Variants in SNTG1 observed in about 807,000 individuals in gnomAD.
SNTG1 encodes the protein syntrophin gamma 1, also known as gamma-1-syntrophin.
A neutral mutation model predicts 74.7 loss-of-function variants in SNTG1; 39 were observed. The observed-to-expected ratio is 0.52, with a 90% CI of 0.40 to 0.68. SNTG1 has a LOEUF of 0.68. Ranked by LOEUF, SNTG1 falls within the 30% of genes least tolerant of loss-of-function variation. The pLI is 0.00. For missense variants in SNTG1, 685 were observed against 609.5 expected, an observed-to-expected ratio of 1.12 and a Z score of -1.30; for synonymous variants, 254 against 217.1, an observed-to-expected ratio of 1.17 and a Z score of -1.49.
intron 2 of SNTG1, among the ~76,000 whole-genome samples, chr8:50,300,887 C>T (rs746323656): frequency 1.3e-5 from 2 of 152,038 alleles, no homozygotes; most frequent in Non-Finnish European, 2.9e-5. Context: ...ACTTTAAAAA[C>T]ATCCTTCTGC....
chr8:49,978,911 G>T (rs966715183), intron 1 of SNTG1, among the ~76,000 whole-genome samples: 1 of 152,176 alleles, frequency 6.6e-6, no homozygotes, highest in Non-Finnish European at 1.5e-5. Context: ...GACCCTAGAC[G>T]TCAGTGTCAC....
In SNTG1 at chr8:50,494,513, A is replaced by T. The variant is rs372419019; in HGVS notation, c.364-8265A>T. Among the ~76,000 whole-genome samples, 3 of 151,966 alleles carry T rather than the reference A, an allele frequency of 2.0e-5. No individual in the cohort carries two copies. The South Asian group carries it at 6.2e-4, about 31-fold the overall frequency. Reference sequence around the variant, plus strand: ...ACTCAGTTTTATCACTCTGTTCCTGATGCTTTTTCAAAGTAGAACTTTTAT... The same window carrying T: ...ACTCAGTTTTATCACTCTGTTCCTGTTGCTTTTTCAAAGTAGAACTTTTAT... On this transcript the variant is annotated intron_variant, in intron 8 of 18. Transcript: ENST00000642720.
chr8:50,501,613 T>TA (rs1336766228), intron 8 of SNTG1, among the ~76,000 whole-genome samples: 2 of 98,612 alleles, frequency 2.0e-5, no homozygotes, highest in Non-Finnish European at 3.5e-5. Context: ...TTTTTTTTAT[T>TA]TTTTTTTTTT....
chr8:50,399,432 G>T (rs543740904), intron 3 of SNTG1, among the ~76,000 whole-genome samples: 5 of 152,204 alleles, frequency 3.3e-5, no homozygotes, highest in Admixed American at 3.3e-4. Context: ...TGATAGCTTT[G>T]TTTTAGCTCC....
chr8:50,478,120 C>A (rs2093711226), intron 8 of SNTG1, among the ~76,000 whole-genome samples: 1 of 152,130 alleles, frequency 6.6e-6, no homozygotes, highest in Non-Finnish European at 1.5e-5. Flanking sequence ...TCTCTACTTT[C>A]ATATTCATCT....
intron 2 of SNTG1, among the ~76,000 whole-genome samples, chr8:50,325,448 T>G (rs1490429880): frequency 6.6e-6 from 1 of 152,098 alleles, no homozygotes; most frequent in Non-Finnish European, 1.5e-5. Flanking sequence ...AAAAGATTTA[T>G]GCTGAAATAT....
intron 12 of SNTG1, among the ~76,000 whole-genome samples, chr8:50,564,622 G>A (rs1156875716): frequency 6.6e-6 from 1 of 152,070 alleles, no homozygotes; most frequent in Non-Finnish European, 1.5e-5. Flanking sequence ...ACTTTTCAAA[G>A]ACTGAGATTT....
intron 12 of SNTG1, among the ~76,000 whole-genome samples, chr8:50,575,882 C>A (rs781607088): frequency 1.1e-4 from 16 of 152,152 alleles, no homozygotes; most frequent in Admixed American, 6.5e-5. Flanking sequence ...TTCTTTCAGC[C>A]TCATTTTGTT....
intron 17 of SNTG1, among the ~76,000 whole-genome samples, chr8:50,750,153 C>A (rs949255622): frequency 6.6e-6 from 1 of 151,882 alleles, no homozygotes; most frequent in African/African-American, 2.4e-5. Context: ...AAACCCTCTT[C>A]GGAGACTTGG....
At chr8:50,107,497 G>C (rs1191269158) in intron 1 of SNTG1, among the ~76,000 whole-genome samples, 1 of 151,928 alleles carries the variant, frequency 6.6e-6, no homozygotes, top group Non-Finnish European at 1.5e-5. Context: ...AAGTTTAGGA[G>C]TAACTTATCT....
At chr8:50,251,435 G>T (rs1242694789) in intron 2 of SNTG1, among the ~76,000 whole-genome samples, 2 of 151,828 alleles carry the variant, frequency 1.3e-5, no homozygotes, top group Non-Finnish European at 2.9e-5. Context: ...GTTTAGAGTA[G>T]TTAAAAGGAT....
chr8:50,007,568 G>A (rs978807878), intron 1 of SNTG1, among the ~76,000 whole-genome samples: 1 of 152,146 alleles, frequency 6.6e-6, no homozygotes, highest in Non-Finnish European at 1.5e-5. Flanking sequence ...TTAAAGGTCA[G>A]AAAGGTAAAA....
At chr8:50,524,714 A>G (rs1053955108) in intron 9 of SNTG1, among the ~76,000 whole-genome samples, 2 of 152,254 alleles carry the variant, frequency 1.3e-5, no homozygotes, top group Admixed American at 6.5e-5. Flanking sequence ...TTGGTATTAT[A>G]TGCAATCTGG....
intron 2 of SNTG1, among the ~76,000 whole-genome samples, chr8:50,208,357 G>C (rs2084345089): frequency 6.6e-6 from 1 of 152,092 alleles, no homozygotes; most frequent in Admixed American, 6.5e-5. Flanking sequence ...TTTAAAGTCT[G>C]TTTTATCAGA....
chr8:49,920,878 G>C (rs552969637), intron 1 of SNTG1, among the ~76,000 whole-genome samples: 1 of 152,036 alleles, frequency 6.6e-6, no homozygotes, highest in African/African-American at 2.4e-5. Context: ...TAGTGATGCC[G>C]CTATCAAATA....
At chr8:50,376,983 G>A (rs1342593205) in intron 2 of SNTG1, among the ~76,000 whole-genome samples, 1 of 151,972 alleles carries the variant, frequency 6.6e-6, no homozygotes, top group Non-Finnish European at 1.5e-5. Context: ...GATTCAACCT[G>A]GCCTGAGTGT....
At chr8:50,528,525 T>A in intron 9 of SNTG1, among the ~76,000 whole-genome samples, 1 of 152,008 alleles carries the variant, frequency 6.6e-6, no homozygotes, top group East Asian at 1.9e-4. Context: ...CATGATGTGA[T>A]ATATTTTTCA....
chr8:50,490,239 G>C (rs976628003), intron 8 of SNTG1, among the ~76,000 whole-genome samples: 1 of 152,112 alleles, frequency 6.6e-6, no homozygotes, highest in Non-Finnish European at 1.5e-5. Context: ...GCTCAGGATC[G>C]CTTTGGCTAT....
In SNTG1 at chr8:50,072,130, GC is replaced by G. The variant is rs138511467; in HGVS notation, c.-102-100430del. On this transcript the variant is annotated intron_variant, in intron 1 of 18. Transcript: ENST00000642720. ...TTTAGTATTATGGCTAAGACCTTGA[GC>G]TTTTAATTCAGACAGACATGGATCT... 2.3e-3 allele frequency among the ~76,000 whole-genome samples: 351 copies of G among 152,252 alleles called. 1 individual carries two copies. Among genetic ancestry groups the G allele is most frequent in the African/African-American group, 8.0e-3 (334 of 41,558 alleles).
Sources: gnomAD v4.1 joint callset for allele counts (sites outside exome capture counted in the v4.1 genomes callset) on GRCh38, gnomAD v4.1.1 for gene constraint, MANE v1.5 for transcripts, NCBI Gene and HGNC (gene_info 2026-07-23, HGNC 2026-07-21) for gene names.